AHCYL1: variants seen among roughly 807,000 people sequenced by gnomAD.
The protein encoded by AHCYL1 is S-adenosylhomocysteine hydrolase-like protein 1.
AHCYL1 carries 20 observed loss-of-function variants against 79.3 expected under a neutral mutation model. That is an observed-to-expected ratio of 0.25 (90% CI 0.18 to 0.37). The LOEUF (loss-of-function observed/expected upper bound fraction) is 0.37, where lower values mean the gene tolerates loss of function less well. Ranked by LOEUF, AHCYL1 falls within the 10% of genes least tolerant of loss-of-function variation. The pLI is 1.00. For synonymous variants in AHCYL1, 223 were observed against 242.2 expected (o/e 0.92, Z 0.74); for missense variants, 330 against 673.6 (o/e 0.49, Z 5.65).
chr1:110,012,340 C>G (rs1328066251), intron 3 of AHCYL1, 22 bp from the exon 4 acceptor site: 7 of 1,609,180 alleles, frequency 4.4e-6, no homozygotes, highest in Non-Finnish European at 5.9e-6. Context: ...AGACCTAGCT[C>G]AAATCCTCTG....
intron 1 of AHCYL1, among the ~76,000 whole-genome samples, chr1:109,994,582 C>A (rs1414822708): frequency 6.6e-6 from 1 of 152,222 alleles, no homozygotes; most frequent in Non-Finnish European, 1.5e-5. Flanking sequence ...AGCCACTGCA[C>A]CCGGCAAATT....
chr1:109,985,434 CTT>C (rs1649418519), intron 1 of AHCYL1: 4 of 1,187,352 alleles, frequency 3.4e-6, no homozygotes, highest in East Asian at 4.7e-5. Context: ...TTGCGACTGA[CTT>C]TTCCTGGATG....
At chr1:109,997,134 C>G (rs771760860) in intron 1 of AHCYL1, among the ~76,000 whole-genome samples, 2 of 152,222 alleles carry the variant, frequency 1.3e-5, no homozygotes, top group Non-Finnish European at 2.9e-5. Context: ...ACTCTGTTCT[C>G]CCTCTTACCC....
chr1:109,985,322 C>T (rs1046786183), intron 1 of AHCYL1, 150 bp downstream of exon 1: 3 of 1,363,578 alleles, frequency 2.2e-6, no homozygotes, highest in South Asian at 3.4e-5. Flanking sequence ...CGGCCCCAGG[C>T]CTCTCCCGGG....
At chr1:110,011,385 C>G (rs1377001394) in intron 3 of AHCYL1, 28 bp downstream of exon 3, 1 of 1,609,056 alleles carries the variant, frequency 6.2e-7, no homozygotes, top group Non-Finnish European at 8.5e-7. Context: ...GTTAGGGGAC[C>G]AGAAACAACC....
At chr1:109,999,109 T>G (rs746724403) in intron 1 of AHCYL1, among the ~76,000 whole-genome samples, 1 of 152,010 alleles carries the variant, frequency 6.6e-6, no homozygotes, top group Non-Finnish European at 1.5e-5. Context: ...TGAGCTATGA[T>G]CCTGCCACTT....
At chr1:109,986,279 T>C (rs1001776382) in intron 1 of AHCYL1, among the ~76,000 whole-genome samples, 1 of 151,834 alleles carries the variant, frequency 6.6e-6, no homozygotes, top group African/African-American at 2.4e-5. Context: ...AGTTAAGTCC[T>C]TGAGGCTTCA....
At chr1:110,011,144 G>T (rs892342555) in intron 2 of AHCYL1, 70 bp from the exon 3 acceptor site, 1 of 1,577,902 alleles carries the variant, frequency 6.3e-7, no homozygotes, top group Middle Eastern at 1.7e-4. Context: ...AGTCCCTTGG[G>T]GACTGCACTC....
chr1:109,998,706 G>T (rs958519300), intron 1 of AHCYL1, among the ~76,000 whole-genome samples: 1 of 152,140 alleles, frequency 6.6e-6, no homozygotes, highest in African/African-American at 2.4e-5. Flanking sequence ...TCGAACTTCT[G>T]ACCTCAGGTG....
chr1:110,012,473 TG>T lies in AHCYL1; in HGVS notation c.477+13del. The T allele has an allele frequency of 6.4e-7, 1 of 1,573,844 alleles. No homozygotes were observed. The highest frequency in any genetic ancestry group is 8.6e-7 in the Non-Finnish European group (1 of 1,162,120). On this transcript the variant is annotated intron_variant, in intron 4 of 16. Coordinates refer to ENST00000369799, the MANE Select transcript of AHCYL1 (RefSeq NM_006621.7). ...ACAGCCCAGACAGCGGTGAGTTTGT[TG>T]GAAGAAAAGAGGGACTTCTGATAAG...
intron 1 of AHCYL1, among the ~76,000 whole-genome samples, chr1:110,000,252 G>C (rs1258890843): frequency 6.6e-6 from 1 of 152,302 alleles, no homozygotes; most frequent in East Asian, 1.9e-4. Context: ...CTTAAACGCA[G>C]GTGGAAATCA....
At chr1:110,010,368 C>T (rs562951071) in intron 2 of AHCYL1, among the ~76,000 whole-genome samples, 5 of 152,166 alleles carry the variant, frequency 3.3e-5, no homozygotes, top group Non-Finnish European at 5.9e-5. Context: ...TAGCAGAAAC[C>T]GTGATGAGGA....
intron 14 of AHCYL1, 23 bp from the exon 15 acceptor site, chr1:110,019,525 C>T (rs752365249): frequency 1.3e-6 from 2 of 1,582,150 alleles, no homozygotes; most frequent in Admixed American, 2.0e-5. Context: ...TTTGTGCTTT[C>T]TGGCCTTCTT....
At chr1:110,012,014 A>T (rs963077099) in intron 3 of AHCYL1, among the ~76,000 whole-genome samples, 1 of 152,218 alleles carries the variant, frequency 6.6e-6, no homozygotes, top group African/African-American at 2.4e-5. Context: ...TTCTGGTCTG[A>T]TGATTATATA....
Position 110,009,098 on chromosome 1 carries a change from C to A in AHCYL1, c.185C>A (p.Ser62Tyr). Residue 62 changes from serine (S) to tyrosine (Y), a missense_variant, in exon 2 of 17, where the codon TCT becomes TAT. Transcript: ENST00000369799. ...TKFPTKTGRRSLSRSISQSST... is the reference protein window; with the variant it reads ...TKFPTKTGRRYLSRSISQSST... ...TTCCCCACCAAAACTGGCCGAAGAT[C>A]TTTGTCTCGCTCGATCTCACAGTCC... The A allele has an allele frequency of 1.2e-6, 2 of 1,614,004 alleles. No individual in the cohort carries two copies. Among genetic ancestry groups the A allele is most frequent in the Non-Finnish European group, 8.5e-7 (1 of 1,179,918 alleles).
intron 2 of AHCYL1, 36 bp from the exon 3 acceptor site, chr1:110,011,178 T>G: frequency 6.2e-7 from 1 of 1,606,820 alleles, no homozygotes; most frequent in Non-Finnish European, 8.5e-7. Flanking sequence ...ACCACTGAGG[T>G]TTTTCTATCC....
At chr1:110,020,128 C>G (rs374430780) in intron 15 of AHCYL1, among the ~76,000 whole-genome samples, 1 of 152,198 alleles carries the variant, frequency 6.6e-6, no homozygotes, top group Admixed American at 6.5e-5. Context: ...TTGGCTAGCC[C>G]AAATCCCTGA....
chr1:109,996,682 T>G (rs1237990968), intron 1 of AHCYL1, among the ~76,000 whole-genome samples: 1 of 152,236 alleles, frequency 6.6e-6, no homozygotes, highest in Non-Finnish European at 1.5e-5. Context: ...GGCAACGCAG[T>G]AGGTTTGTTA....
intron 1 of AHCYL1, among the ~76,000 whole-genome samples, chr1:110,002,110 C>CCTTTTT (rs1370712322): frequency 6.6e-5 from 10 of 152,100 alleles, no homozygotes; most frequent in Non-Finnish European, 1.3e-4. Flanking sequence ...AAAGGTAATA[C>CCTTTTT]TAAATCTGAA....
Sources: gnomAD v4.1 joint callset for allele counts (sites outside exome capture counted in the v4.1 genomes callset) on GRCh38, gnomAD v4.1.1 for gene constraint, MANE v1.5 for transcripts, NCBI Gene and HGNC (gene_info 2026-07-23, HGNC 2026-07-21) for gene names.